NOC3L: variants seen among roughly 807,000 people sequenced by gnomAD.
NOC3L encodes the protein NOC3 like DNA replication regulator.
In NOC3L, 85 loss-of-function variants were observed where a neutral mutation model predicts 102.5. The ratio of observed to expected loss-of-function variants is 0.83; its 90% CI spans 0.70 to 0.99. NOC3L has a LOEUF of 0.99. Among genes scored for constraint, NOC3L ranks in the 50% least tolerant of loss-of-function variants. The pLI, the probability that NOC3L is intolerant of heterozygous loss-of-function variation, is 0.00. For synonymous variants in NOC3L, 303 were observed against 309.4 expected (o/e 0.98, Z 0.22); for missense variants, 878 against 914.9 (o/e 0.96, Z 0.52).
In NOC3L at chr10:94,344,896, C is replaced by T. The variant is rs771117489; in HGVS notation, c.1427G>A (p.Arg476Gln). 7.5e-6 allele frequency: 12 copies of T among 1,610,258 alleles called. No homozygotes were observed. Among genetic ancestry groups the T allele is most frequent in the South Asian group, 3.3e-5 (3 of 90,148 alleles). Residue 476 changes from arginine (R) to glutamine (Q), a missense_variant, in exon 12 of 21, where the codon CGA becomes CAA. Arg to Gln is a conservative substitution (Grantham distance 43, BLOSUM62 1). Transcript: ENST00000371361. ...AGTACTCTCTGAAGCTTCTGCCTCTCGAAGCTCTCGCTCTAGTTTCTCTTC... is the reference window on the plus strand; with the variant it reads ...AGTACTCTCTGAAGCTTCTGCCTCTTGAAGCTCTCGCTCTAGTTTCTCTTC... ...KAEEKLEREL[R>Q]EAEASESTEK...
At chr10:94,337,993 C>T (rs1564908901) in intron 18 of NOC3L, 119 bp from the exon 19 acceptor site, 1 of 561,432 alleles carries the variant, frequency 1.8e-6, no homozygotes, top group South Asian at 2.9e-5. Flanking sequence ...CACCTATGTA[C>T]AGTATATGTA....
the NOC3L span, among the ~76,000 whole-genome samples, chr10:94,317,807 T>C: frequency 1.3e-5 from 2 of 152,204 alleles, no homozygotes; most frequent in Admixed American, 1.3e-4. Flanking sequence ...TTCTCTAGCA[T>C]AGACAGTCAT....
the NOC3L span, among the ~76,000 whole-genome samples, chr10:94,319,761 G>C: frequency 6.6e-6 from 1 of 151,956 alleles, no homozygotes. Context: ...AGTAAAAAGG[G>C]ATATAAGTGA....
intron 5 of NOC3L, 52 bp downstream of exon 5, chr10:94,356,483 T>C (rs544146641): frequency 1.8e-6 from 2 of 1,095,944 alleles, no homozygotes; most frequent in South Asian, 2.5e-5. Flanking sequence ...ACATTTACTA[T>C]TATGCAAAAA....
intron 20 of NOC3L, 54 bp downstream of exon 20, chr10:94,334,580 T>G: frequency 2.4e-4 from 303 of 1,273,420 alleles, no homozygotes; most frequent in Non-Finnish European, 3.2e-4. Context: ...TTAGAGTTAT[T>G]GAGATACATT....
At position 94,361,723 on chromosome 10, in the gene NOC3L, C is replaced by G. The variant is rs2054553490; in HGVS notation, c.159G>C (p.Val53=). 1.3e-6 allele frequency: 2 copies of G among 1,579,222 alleles called. No individual in the cohort carries two copies. Among genetic ancestry groups the G allele is most frequent in the East Asian group, 4.7e-5 (2 of 42,786 alleles). The change falls in exon 2 of 21, where the codon GTG becomes GTC. Residue 53 remains valine, a synonymous_variant. Coordinates refer to ENST00000371361, the MANE Select transcript of NOC3L (RefSeq NM_022451.11). ...RKEQRKLRQA[V]KDAVSKKPIP... ...TGGGTTTCTTAGACACAGCATCTTT[C>G]ACAGCTTGCCTTAGTTTCCTCTGTT...
In NOC3L at chr10:94,338,747, G is replaced by A; in HGVS notation, c.1963-11C>T. ...TGTTTTGGGGAAAGTCTGCAAAAAT[G>A]TCACATAAAAAGAATTGGTTAAATT... On this transcript the variant is annotated splice_polypyrimidine_tract_variant and intron_variant, in intron 17 of 20. Coordinates refer to ENST00000371361, the MANE Select transcript of NOC3L (RefSeq NM_022451.11). 1 of 1,607,982 alleles carries A rather than the reference G, an allele frequency of 6.2e-7. No individual in the cohort carries two copies. Among genetic ancestry groups the A allele is most frequent in the Non-Finnish European group, 8.5e-7 (1 of 1,177,086 alleles).
chr10:94,344,496 A>C lies in NOC3L; in HGVS notation c.1490T>G (p.Ile497Ser), dbSNP rs1184881555. The part of the protein sequence containing the change: ...KLKLHTETLN[I>S]VFVTYFRILK... ...TATTCTGAAGTAGGTTACAAACACAATATTCAGAGTCTCTGTGTGCTGGCA... is the reference window on the plus strand; with the variant it reads ...TATTCTGAAGTAGGTTACAAACACACTATTCAGAGTCTCTGTGTGCTGGCA... The change falls in exon 13 of 21, where the codon ATT becomes AGT. Residue 497 changes from isoleucine to serine, a missense_variant. By Grantham distance (142) the Ile-to-Ser change is moderately radical. Transcript: ENST00000371361. The C allele has an allele frequency of 1.9e-6, 3 of 1,612,820 alleles. No individual in the cohort carries two copies. The highest frequency in any genetic ancestry group is 2.7e-5 in the African/African-American group (2 of 74,898).
intron 11 of NOC3L, among the ~76,000 whole-genome samples, chr10:94,345,700 T>G (rs1023556198): frequency 6.6e-6 from 1 of 152,178 alleles, no homozygotes; most frequent in Non-Finnish European, 1.5e-5. Context: ...AATTATTAAG[T>G]CTATTTTGAT....
intron 6 of NOC3L, among the ~76,000 whole-genome samples, chr10:94,354,378 TGAAA>T (rs2054457855): frequency 6.6e-6 from 1 of 152,180 alleles, no homozygotes; most frequent in South Asian, 2.1e-4. Flanking sequence ...TTTTTAGAGA[TGAAA>T]GAGTCTTGGA....
At chr10:94,327,999 G>GGAA in the NOC3L span, 7 of 531,764 alleles carry the variant, frequency 1.3e-5, no homozygotes, top group Non-Finnish European at 2.7e-5. Context: ...GTTAAAGAGT[G>GGAA]AACATGGTGG....
At chr10:94,315,641 C>T in the NOC3L span, among the ~76,000 whole-genome samples, 1 of 151,870 alleles carries the variant, frequency 6.6e-6, no homozygotes, top group Non-Finnish European at 1.5e-5. Flanking sequence ...TGGTGGTGCA[C>T]ACCTGTAATC....
rs1389643408 is a variant in NOC3L at position 94,362,876 on chromosome 10, C to A, written c.-38G>T. 2 of 1,613,830 alleles carry A rather than the reference C, an allele frequency of 1.2e-6. No homozygotes were observed. The highest frequency in any genetic ancestry group is 1.7e-6 in the Non-Finnish European group (2 of 1,180,030). ...AATGAATGCCGGCCAGACAAGTTCA[C>A]CAGAAGCAGGGTTACTACAGAAATC... On this transcript the variant is annotated 5_prime_UTR_variant, in exon 1 of 21. Coordinates refer to ENST00000371361, the MANE Select transcript of NOC3L (RefSeq NM_022451.11).
intron 20 of NOC3L, 61 bp from the exon 21 acceptor site, chr10:94,334,366 G>A: frequency 9.2e-7 from 1 of 1,082,910 alleles, no homozygotes; most frequent in Non-Finnish European, 1.4e-6. Context: ...AAGCCAACCT[G>A]TGAACCAAGT....
At chr10:94,317,798 T>C in the NOC3L span, among the ~76,000 whole-genome samples, 1 of 152,232 alleles carries the variant, frequency 6.6e-6, no homozygotes, top group East Asian at 1.9e-4. Context: ...TAAGGTCATT[T>C]CTCTAGCATA....
chr10:94,321,628 A>AG, the NOC3L span, among the ~76,000 whole-genome samples: 1 of 133,568 alleles, frequency 7.5e-6, no homozygotes, highest in African/African-American at 2.8e-5. Flanking sequence ...ACTCCATCTC[A>AG]GAAAAAAAAA....
intron 3 of NOC3L, 46 bp from the exon 4 acceptor site, chr10:94,357,377 A>T: frequency 6.8e-7 from 1 of 1,466,194 alleles, no homozygotes; most frequent in Non-Finnish European, 9.0e-7. Flanking sequence ...TAGATCTAAA[A>T]AGTTATCTAG....
intron 17 of NOC3L, 150 bp downstream of exon 17, chr10:94,339,589 T>A: frequency 3.0e-6 from 2 of 675,622 alleles, no homozygotes; most frequent in South Asian, 4.3e-5. Flanking sequence ...TTTTTCAATT[T>A]TATATACCTC....
At chr10:94,325,191 CT>C in the NOC3L span, 1 of 973,458 alleles carries the variant, frequency 1.0e-6, no homozygotes, top group East Asian at 2.4e-5. Context: ...TGTCTTTTAT[CT>C]TTTCCAACAG....
Sources: allele counts gnomAD v4.1 joint callset (sites outside exome capture counted in the v4.1 genomes callset), GRCh38; gene constraint gnomAD v4.1.1; transcripts MANE v1.5; gene names NCBI Gene and HGNC (gene_info 2026-07-23, HGNC 2026-07-21).